The following DNAAF1 variants were observed in gnomAD, a reference collection of about 807,000 sequenced individuals.
The protein encoded by DNAAF1 is dynein axonemal assembly factor 1, also known as dynein assembly factor 1, axonemal.
A neutral mutation model predicts 71.1 loss-of-function variants in DNAAF1; 65 were observed. The observed-to-expected ratio is 0.91, with a 90% CI of 0.75 to 1.12. DNAAF1 has a LOEUF of 1.12. Among genes scored for constraint, DNAAF1 ranks in the 50% most tolerant of loss-of-function variants. The pLI, the probability that DNAAF1 is intolerant of heterozygous loss-of-function variation, is 0.00. For synonymous variants in DNAAF1, 414 were observed against 354.6 expected (o/e 1.17, Z -1.88); for missense variants, 1,178 against 899.8 (o/e 1.31, Z -3.96).
chr16:84,174,588 G>C, intron 9 of DNAAF1, 81 bp from the exon 10 acceptor site: 1 of 1,612,678 alleles, frequency 6.2e-7, no homozygotes, highest in Non-Finnish European at 8.5e-7. Flanking sequence ...GGTTGACTGC[G>C]TGTTTGCCTT....
Position 84,159,758 on chromosome 16 carries a change from A to G in DNAAF1, c.825A>G (p.Leu275=). 6.2e-7 allele frequency: 1 copy of G among 1,614,058 alleles called. No homozygotes were observed. The highest frequency in any genetic ancestry group is 8.5e-7 in the Non-Finnish European group (1 of 1,179,940). The stretch of plus-strand genomic sequence containing the variant: ...CAGTCACTGTACGACTAAAGCACTT[A>G]ACATACCTGGATGATAGACCAGTGT... ...RRTVTVRLKH[L]TYLDDRPVFP... is the part of the protein sequence containing the mutation. The change falls in exon 6 of 12, where the codon TTA becomes TTG. Residue 275 remains leucine (L), a synonymous_variant. Transcript: ENST00000378553.
intron 5 of DNAAF1, chr16:84,158,762 C>G (rs1366884122): frequency 6.6e-6 from 1 of 152,164 alleles, no homozygotes; most frequent in Non-Finnish European, 1.5e-5. Context: ...TGGAGTCTCG[C>G]TTAGTCACCC....
intron 9 of DNAAF1, chr16:84,172,662 T>C (rs2088426335): frequency 7.9e-7 from 1 of 1,268,772 alleles, no homozygotes; most frequent in Non-Finnish European, 1.0e-6. Context: ...TCTACCAAAC[T>C]CTTGATTCCT....
At position 84,172,314 on chromosome 16, in the gene DNAAF1, G is replaced by C; in HGVS notation, c.1583G>C (p.Gly528Ala). The change falls in exon 9 of 12, where the codon GGA (glycine) becomes GCA (alanine). Residue 528 changes from glycine to alanine, a missense_variant. Transcript: ENST00000378553. ...TEGVFVTELD[G>A]TRTEDLETIR... is the part of the protein sequence containing the mutation. ...GGTGTATTCGTTACAGAACTTGATG[G>C]AACGAGAACGGAAGATTTAGAAACC... The C allele has an allele frequency of 6.2e-7, 1 of 1,614,224 alleles. No homozygotes were observed. Among genetic ancestry groups the C allele is most frequent in the Non-Finnish European group, 8.5e-7 (1 of 1,180,044 alleles).
At chr16:84,165,024 C>G (rs527569396) in intron 6 of DNAAF1, among the ~76,000 whole-genome samples, 4 of 152,320 alleles carry the variant, frequency 2.6e-5, no homozygotes, top group Admixed American at 2.6e-4. Flanking sequence ...TGTGGAGCAT[C>G]TTTTCACAGG....
intron 7 of DNAAF1, among the ~76,000 whole-genome samples, chr16:84,168,843 C>CACACACAG (rs2088166252): frequency 6.6e-6 from 1 of 151,580 alleles, no homozygotes; most frequent in South Asian, 2.1e-4. Context: ...CACACACACA[C>CACACACAG]ACACACACAC....
In DNAAF1 at chr16:84,151,362, A is replaced by C. The variant is rs533647763; in HGVS notation, c.352+1020A>C. Among the ~76,000 whole-genome samples the C allele has an allele frequency of 5.3e-4, 81 of 152,156 alleles. 1 individual carries two copies. In the South Asian group the frequency reaches 0.012, roughly 22 times the overall value. On this transcript the variant is annotated intron_variant, in intron 3 of 11. Transcript: ENST00000378553. ...ACGCCCAAAGGGATCCAGGAGCACA[A>C]ATGCCTTAAGGGGTTGGAACGACTC... is the stretch of plus-strand genomic sequence containing the variant.
rs1029522235 is a variant in DNAAF1 at position 84,170,092 on chromosome 16, C to G, written c.1264C>G (p.Leu422Val). ...PEGTLPAETL[L>V]LSSPVEVKGE... is the part of the protein sequence containing the mutation. Reference sequence around the variant, plus strand: ...GGGGACCCTCCCAGCTGAGACCCTGCTACTGTCGTCACCTGTGGAGGTTAA... The same window carrying G: ...GGGGACCCTCCCAGCTGAGACCCTGGTACTGTCGTCACCTGTGGAGGTTAA... The change falls in exon 8 of 12, where the codon CTA (leucine) becomes GTA (valine). Residue 422 changes from leucine to valine, a missense_variant. Physicochemically the swap from Leu to Val is conservative, Grantham distance 32 (BLOSUM62 1). Coordinates refer to ENST00000378553, the MANE Select transcript of DNAAF1 (RefSeq NM_178452.6). The G allele has an allele frequency of 6.3e-7, 1 of 1,590,908 alleles. No individual in the cohort carries two copies. The highest frequency in any genetic ancestry group is 8.6e-7 in the Non-Finnish European group (1 of 1,166,850).
chr16:84,145,755 T>G (rs973515229), intron 1 of DNAAF1, among the ~76,000 whole-genome samples, 191 bp downstream of exon 1: 2 of 152,084 alleles, frequency 1.3e-5, no homozygotes, highest in African/African-American at 4.8e-5. Context: ...ACTTAAGAGG[T>G]TACAAAACTT....
chr16:84,176,503 C>A, intron 11 of DNAAF1: 1 of 770,364 alleles, frequency 1.3e-6, no homozygotes, highest in Non-Finnish European at 2.1e-6. Context: ...CAGCCTGGGC[C>A]AGGAAGCCAC....
chr16:84,165,819 A>G lies in DNAAF1; in HGVS notation c.900A>G (p.Ala300=). 1.2e-6 allele frequency: 2 copies of G among 1,613,692 alleles called. No homozygotes were observed. The highest frequency in any genetic ancestry group is 1.7e-6 in the Non-Finnish European group (2 of 1,179,980). ...CAEAWARGGY[A]AEKEERQQWE... ...AGGCCTGGGCTAGGGGAGGGTACGC[A>G]GCTGAAAAGGAGGAGAGACAGCAGT... Residue 300 remains alanine (A), a synonymous_variant, in exon 7 of 12, where the codon GCA becomes GCG. Transcript: ENST00000378553.
intron 3 of DNAAF1, among the ~76,000 whole-genome samples, chr16:84,150,616 CTTT>C (rs754336069): frequency 3.1e-5 from 4 of 130,336 alleles, no homozygotes; most frequent in Non-Finnish European, 3.2e-5. Context: ...TCTTTTCTTT[CTTT>C]TTTTTTTTTT....
At chr16:84,175,881 C>T (rs370946620) in intron 10 of DNAAF1, 52 bp from the exon 11 acceptor site, 290 of 1,601,152 alleles carry the variant, frequency 1.8e-4, no homozygotes, top group Admixed American at 3.0e-4. Flanking sequence ...CATTGTAGAG[C>T]GATTCTGTTG....
intron 3 of DNAAF1, among the ~76,000 whole-genome samples, chr16:84,150,774 T>C (rs1240729238): frequency 1.3e-5 from 2 of 151,986 alleles, no homozygotes; most frequent in African/African-American, 4.8e-5. Context: ...CCACCACGCC[T>C]TGCTAATTTT....
chr16:84,160,358 C>A (rs1425279369), intron 6 of DNAAF1, among the ~76,000 whole-genome samples: 1 of 152,056 alleles, frequency 6.6e-6, no homozygotes, highest in Non-Finnish European at 1.5e-5. Context: ...CTTCTCTTAC[C>A]GATTTGTAAG....
At chr16:84,152,782 C>T (rs145101948) in intron 3 of DNAAF1, among the ~76,000 whole-genome samples, 5 of 151,894 alleles carry the variant, frequency 3.3e-5, no homozygotes, top group Non-Finnish European at 5.9e-5. Flanking sequence ...GGTAAAACCC[C>T]ATCTCTACTA....
At chr16:84,156,359 T>A (rs1196746462) in intron 5 of DNAAF1, among the ~76,000 whole-genome samples, 1 of 152,250 alleles carries the variant, frequency 6.6e-6, no homozygotes, top group Non-Finnish European at 1.5e-5. Flanking sequence ...CCACTTAACA[T>A]GTTCTGCTGG....
chr16:84,163,861 T>C (rs1247100069), intron 6 of DNAAF1, among the ~76,000 whole-genome samples: 1 of 122,954 alleles, frequency 8.1e-6, no homozygotes, highest in Non-Finnish European at 1.8e-5. Context: ...TTAATAGACT[T>C]TTTTTTTTTT....
At chr16:84,155,446 C>T in intron 4 of DNAAF1, 137 bp from the exon 5 acceptor site, 3 of 1,014,904 alleles carry the variant, frequency 3.0e-6, no homozygotes, top group Non-Finnish European at 4.6e-6. Context: ...CCAGGCTGGT[C>T]TCAAACCTCC....
Sources: gnomAD v4.1 joint callset for allele counts (sites outside exome capture counted in the v4.1 genomes callset) on GRCh38, gnomAD v4.1.1 for gene constraint, MANE v1.5 for transcripts, NCBI Gene and HGNC (gene_info 2026-07-23, HGNC 2026-07-21) for gene names.